Variants in RNF111 observed in about 807,000 individuals in gnomAD.
RNF111 encodes ring finger protein 111.
In RNF111, 17 loss-of-function variants were observed where a neutral mutation model predicts 95.1. The ratio of observed to expected loss-of-function variants is 0.18; its 90% CI spans 0.12 to 0.27. The LOEUF (loss-of-function observed/expected upper bound fraction) is 0.27. RNF111 is among the 10% of genes least tolerant of loss of function. RNF111 has a pLI of 1.00. For missense variants in RNF111, 1,189 were observed against 1,210.4 expected (o/e 0.98, Z 0.26); for synonymous variants, 440 against 414.8 (o/e 1.06, Z -0.74).
At chr15:59,065,673 T>A (rs1297561455) in intron 5 of RNF111, among the ~76,000 whole-genome samples, 1 of 152,164 alleles carries the variant, frequency 6.6e-6, no homozygotes, top group Non-Finnish European at 1.5e-5. Context: ...AATCATTTCT[T>A]ACATTCTATT....
chr15:59,052,965 A>C (rs1418214117), intron 3 of RNF111, among the ~76,000 whole-genome samples: 1 of 152,192 alleles, frequency 6.6e-6, no homozygotes, highest in African/African-American at 2.4e-5. Context: ...TTAGATGTGA[A>C]TAATACATAA....
chr15:59,066,777 A>G lies in RNF111; in HGVS notation c.1380A>G (p.Arg460=), dbSNP rs553620759. The change falls in exon 6 of 14, where the codon AGA becomes AGG. Residue 460 remains arginine (R), a synonymous_variant. Transcript: ENST00000348370. ...TTCTGTTTCAAGATGACTCAAGGAG[A>G]ACTACATCTAGTGCTGTAACGGAAA... ...TGTSIGDDSR[R]TTSSAVTETG... The G allele has an allele frequency of 6.2e-7, 1 of 1,613,360 alleles. No homozygotes were observed.
At chr15:58,997,512 C>A (rs2039130140) in intron 1 of RNF111, among the ~76,000 whole-genome samples, 2 of 140,928 alleles carry the variant, frequency 1.4e-5, no homozygotes, top group African/African-American at 2.6e-5. Flanking sequence ...TACACATTTG[C>A]AGTTAAAAAA....
At chr15:59,050,077 T>G (rs1315028779) in intron 2 of RNF111, among the ~76,000 whole-genome samples, 1 of 151,128 alleles carries the variant, frequency 6.6e-6, no homozygotes, top group African/African-American at 2.4e-5. Context: ...TTTTTTTTTT[T>G]GTTTTGAGAT....
At chr15:59,050,607 G>C (rs1261318754) in intron 2 of RNF111, among the ~76,000 whole-genome samples, 4 of 152,050 alleles carry the variant, frequency 2.6e-5, no homozygotes, top group Non-Finnish European at 5.9e-5. Context: ...GCATTATTGA[G>C]GTATGATTAG....
intron 1 of RNF111, among the ~76,000 whole-genome samples, chr15:58,990,625 G>A (rs1368110564): frequency 1.3e-5 from 2 of 152,230 alleles, no homozygotes; most frequent in Non-Finnish European, 2.9e-5. Flanking sequence ...CTGCACTCCA[G>A]CTTGGGCGAC....
intron 10 of RNF111, among the ~76,000 whole-genome samples, chr15:59,088,667 C>T (rs190504424): frequency 1.3e-5 from 2 of 152,196 alleles, no homozygotes; most frequent in African/African-American, 4.8e-5. Context: ...ATGATCTATA[C>T]AGTTGCTGCA....
intron 1 of RNF111, among the ~76,000 whole-genome samples, chr15:59,013,454 C>T (rs2039922981): frequency 6.6e-6 from 1 of 152,076 alleles, no homozygotes; most frequent in Admixed American, 6.6e-5. Flanking sequence ...ATAGACCATC[C>T]CTGAATCTAG....
At chr15:59,055,904 T>G in intron 4 of RNF111, 59 bp downstream of exon 4, 5 of 1,405,880 alleles carry the variant, frequency 3.6e-6, no homozygotes, top group Non-Finnish European at 3.9e-6. Flanking sequence ...AGGAAATCTC[T>G]TAATATGCTA....
chr15:59,000,518 C>T (rs372131697), intron 1 of RNF111, among the ~76,000 whole-genome samples: 2 of 152,016 alleles, frequency 1.3e-5, no homozygotes, highest in African/African-American at 4.8e-5. Flanking sequence ...TTGAGACCAG[C>T]CTGGCCAACT....
chr15:59,078,325 T>G (rs1352314694), intron 7 of RNF111, among the ~76,000 whole-genome samples: 9 of 152,246 alleles, frequency 5.9e-5, no homozygotes, highest in African/African-American at 2.2e-4. Flanking sequence ...ATAAAACAAC[T>G]GTACTTGAAA....
chr15:59,026,558 A>T (rs532677726), intron 1 of RNF111, among the ~76,000 whole-genome samples: 1 of 152,360 alleles, frequency 6.6e-6, no homozygotes, highest in Non-Finnish European at 1.5e-5. Context: ...TTTTACAAAA[A>T]TAAAAGACTA....
intron 2 of RNF111, among the ~76,000 whole-genome samples, chr15:59,032,275 T>C (rs1472327141): frequency 1.3e-5 from 2 of 152,240 alleles, no homozygotes; most frequent in Non-Finnish European, 2.9e-5. Context: ...GATTATATTT[T>C]ATGTATGTTC....
In RNF111 at chr15:59,031,360, C is replaced by T. The variant is rs201081719; in HGVS notation, c.538C>T (p.Arg180Trp). The T allele has an allele frequency of 1.2e-5, 19 of 1,614,110 alleles. No individual in the cohort carries two copies. Among genetic ancestry groups the T allele is most frequent in the Admixed American group, 1.0e-4 (6 of 60,012 alleles). ...LNAKSRSHSA[R>W]SHKWPRTETE... ...TGCTAAAAGTAGAAGCCATAGTGCA[C>T]GGTCTCATAAGTGGCCTCGGACTGA... The change falls in exon 2 of 14, where the codon CGG (arginine) becomes TGG (tryptophan). Residue 180 changes from arginine to tryptophan, a missense_variant. By Grantham distance (101) the Arg-to-Trp change is moderately radical. Coordinates refer to ENST00000348370, the MANE Select transcript of RNF111 (RefSeq NM_017610.8).
intron 1 of RNF111, among the ~76,000 whole-genome samples, chr15:59,009,453 T>G (rs2039690537): frequency 6.6e-6 from 1 of 151,728 alleles, no homozygotes; most frequent in Non-Finnish European, 1.5e-5. Context: ...AAAGTCAGTA[T>G]GACTTAATAT....
intron 2 of RNF111, among the ~76,000 whole-genome samples, chr15:59,045,660 C>T (rs2041674160): frequency 6.6e-6 from 1 of 152,056 alleles, no homozygotes; most frequent in African/African-American, 2.4e-5. Flanking sequence ...TATGACTTGT[C>T]GTTGATACAT....
chr15:59,042,671 G>T (rs1179985133), intron 2 of RNF111, among the ~76,000 whole-genome samples: 1 of 152,022 alleles, frequency 6.6e-6, no homozygotes, highest in African/African-American at 2.4e-5. Context: ...CCCCAAACCA[G>T]TCATTAACAT....
chr15:59,065,611 TAA>T (rs2042622000), intron 5 of RNF111, among the ~76,000 whole-genome samples: 1 of 152,244 alleles, frequency 6.6e-6, no homozygotes, highest in Non-Finnish European at 1.5e-5. Context: ...TGTGTGACAC[TAA>T]GTCATTAGAT....
chr15:59,026,294 A>T (rs1479999492), intron 1 of RNF111, among the ~76,000 whole-genome samples: 10 of 150,754 alleles, frequency 6.6e-5, no homozygotes, highest in African/African-American at 2.2e-4. Flanking sequence ...GAAAGTTAGT[A>T]TTTTTTTTTA....
Sources: gnomAD v4.1 joint callset for allele counts (sites outside exome capture counted in the v4.1 genomes callset) on GRCh38, gnomAD v4.1.1 for gene constraint, MANE v1.5 for transcripts, NCBI Gene and HGNC (gene_info 2026-07-23, HGNC 2026-07-21) for gene names.